Variants in GAMT observed in about 807,000 individuals in gnomAD.
GAMT encodes the protein guanidinoacetate N-methyltransferase, also known as epididymis secretory protein Li 20.
GAMT carries 26 observed loss-of-function variants against 26.9 expected under a neutral mutation model. That is an observed-to-expected ratio of 0.97 (90% CI 0.71 to 1.34). The LOEUF (loss-of-function observed/expected upper bound fraction) is 1.34. Ranked by LOEUF, GAMT falls within the 40% of genes most tolerant of loss-of-function variation. The pLI is 0.00. For missense variants in GAMT, 412 were observed against 345.0 expected, an observed-to-expected ratio of 1.19 and a Z score of -1.54; for synonymous variants, 169 against 149.6, an observed-to-expected ratio of 1.13 and a Z score of -0.95.
At chr19:1,398,694 TCGG>T in intron 5 of GAMT, 1 of 1,506,634 alleles carries the variant, frequency 6.6e-7, no homozygotes, top group Non-Finnish European at 8.9e-7. Context: ...TCTGCCCACC[TCGG>T]CCTTCCACAG....
intron 1 of GAMT, 96 bp downstream of exon 1, chr19:1,401,200 G>A (rs1468985226): frequency 3.6e-6 from 4 of 1,095,918 alleles, no homozygotes; most frequent in African/African-American, 1.6e-5. Context: ...GAGGCGCCCC[G>A]GCGGGAGGGT....
At chr19:1,400,540 C>T (rs1600159923) in intron 1 of GAMT, among the ~76,000 whole-genome samples, 1 of 152,172 alleles carries the variant, frequency 6.6e-6, no homozygotes, top group Non-Finnish European at 1.5e-5. Flanking sequence ...GAGCCCAGCC[C>T]ACGCTGTTTG....
chr19:1,399,094 G>T lies in GAMT; in HGVS notation c.459+34C>A, dbSNP rs752136977. The T allele has an allele frequency of 6.2e-7, 1 of 1,613,194 alleles. No homozygotes were observed. Among genetic ancestry groups the T allele is most frequent in the African/African-American group, 1.3e-5 (1 of 74,884 alleles). ...TGTGGGCAGAGGGGCTTCCCCGAGG[G>T]CCTCCCGCATCCCAGCAAGTCAGAG... On this transcript the variant is annotated intron_variant, in intron 4 of 5. Transcript: ENST00000252288. The surrounding 1 kb of genome is among the most constrained non-coding windows in gnomAD (Gnocchi z 6.2).
chr19:1,400,324 G>T (rs566892665), intron 1 of GAMT, among the ~76,000 whole-genome samples: 13 of 152,164 alleles, frequency 8.5e-5, no homozygotes, highest in Non-Finnish European at 1.2e-4. Context: ...GGGGTGCAGG[G>T]CTGAACTAGG....
intron 1 of GAMT, among the ~76,000 whole-genome samples, chr19:1,400,843 G>A (rs1457708775): frequency 1.3e-5 from 2 of 152,348 alleles, no homozygotes; most frequent in South Asian, 2.1e-4. Flanking sequence ...AGGCAGGCCA[G>A]GGCCACCCCG....
Position 1,399,660 on chromosome 19 carries a change from A to G in GAMT, c.328-73T>C. 20 of 1,545,544 alleles carry G rather than the reference A, an allele frequency of 1.3e-5. 1 individual carries two copies. The South Asian group carries it at 2.3e-4, about 18-fold the overall frequency. ...AGGATCTCCCCACCTGCAGAAAGGGAGCGGCCAGGGGGACTCCCGAGAGAG... is the reference window on the plus strand; with the variant it reads ...AGGATCTCCCCACCTGCAGAAAGGGGGCGGCCAGGGGGACTCCCGAGAGAG... On this transcript the variant is annotated intron_variant, in intron 2 of 5. Transcript: ENST00000252288. This position sits in a 1 kb window ranked among gnomAD's most constrained non-coding sequence, Gnocchi z 6.2.
In GAMT at chr19:1,401,488, G is replaced by T. The variant is rs765130527; in HGVS notation, c.-12C>A. The T allele has an allele frequency of 9.1e-6, 12 of 1,311,770 alleles. No individual in the cohort carries two copies. Among genetic ancestry groups the T allele is most frequent in the Non-Finnish European group, 1.2e-5 (12 of 1,030,852 alleles). The allele number at this position is 1,311,770 out of a possible 1,614,324, so 81.3% of individuals were successfully genotyped here. A position where few individuals can be genotyped will look rare whatever the true frequency, so the allele number is the denominator to read the frequency against. On this transcript the variant is annotated 5_prime_UTR_variant, in exon 1 of 6. Coordinates refer to ENST00000252288, the MANE Select transcript of GAMT (RefSeq NM_000156.6). Reference sequence around the variant, plus strand: ...CTGGGGGCGCTCATGCTGCAGGCTGGACGGCGACCCGACCTCGATCGCGCG... The same window carrying T: ...CTGGGGGCGCTCATGCTGCAGGCTGTACGGCGACCCGACCTCGATCGCGCG...
chr19:1,399,185 G>T lies in GAMT; in HGVS notation c.402C>A (p.Tyr134Ter), dbSNP rs556829801. The T allele has an allele frequency of 6.2e-7, 1 of 1,613,606 alleles. No homozygotes were observed. The highest frequency in any genetic ancestry group is 2.2e-5 in the East Asian group (1 of 44,890). ...LPDGHFDGIL[Y>*]DTYPLSEETW... is the part of the protein sequence containing the mutation. ...TCTCCTCCGAGAGTGGGTACGTGTC[G>T]TACAGGATCCCTGCACGGAGAACAG... The change falls in exon 4 of 6, where the codon TAC becomes TAA. Residue 134 changes from tyrosine (Y) to a stop codon, truncating the protein, a stop_gained. Transcript: ENST00000252288. LOFTEE classifies it high-confidence loss of function. The surrounding 1 kb of genome is among the most constrained non-coding windows in gnomAD (Gnocchi z 6.2).
Position 1,399,210 on chromosome 19 carries a change from G to A in GAMT, c.392-15C>T. 6.2e-7 allele frequency: 1 copy of A among 1,613,280 alleles called. No individual in the cohort carries two copies. Among genetic ancestry groups the A allele is most frequent in the Non-Finnish European group, 8.5e-7 (1 of 1,179,948 alleles). On this transcript the variant is annotated splice_polypyrimidine_tract_variant and intron_variant, in intron 3 of 5. Coordinates refer to ENST00000252288, the MANE Select transcript of GAMT (RefSeq NM_000156.6). The surrounding 1 kb of genome is among the most constrained non-coding windows in gnomAD (Gnocchi z 6.2). ...GTACAGGATCCCTGCACGGAGAACAGAAGCCCACGCGGTCAGGGCCGGGCT... is the reference window on the plus strand; with the variant it reads ...GTACAGGATCCCTGCACGGAGAACAAAAGCCCACGCGGTCAGGGCCGGGCT...
intron 5 of GAMT, chr19:1,398,420 T>G: frequency 3.4e-5 from 12 of 348,612 alleles, no homozygotes; most frequent in East Asian, 9.3e-5. Context: ...TTTTTTTAAA[T>G]TTTCTTTCTT....
chr19:1,399,435 G>A lies in GAMT; in HGVS notation c.391+89C>T. 1 of 1,275,542 alleles carries A rather than the reference G, an allele frequency of 7.8e-7. No individual in the cohort carries two copies. The highest frequency in any genetic ancestry group is 1.1e-6 in the Non-Finnish European group (1 of 900,542). 79.0% of individuals were successfully genotyped at this position (1,275,542 alleles called of 1,614,324 possible). The stretch of plus-strand genomic sequence containing the variant: ...CACCCACTTGGGCTCTGTCCCCCCA[G>A]TGCACATCAGAGGGACCCCCACAAG... On this transcript the variant is annotated intron_variant, in intron 3 of 5. Coordinates refer to ENST00000252288, the MANE Select transcript of GAMT (RefSeq NM_000156.6). The surrounding 1 kb of genome is among the most constrained non-coding windows in gnomAD (Gnocchi z 6.2).
In GAMT at chr19:1,399,858, TC is replaced by T; in HGVS notation, c.261del (p.Trp87Ter). ...KVQEAPIDEH[W>X]IIECNDGVFQ... ...AAGACGCCGTCATTGCACTCGATGA[TC>T]CAATGCTCATCAATGGGCGCCTCCT... On this transcript the variant is annotated frameshift_variant, in exon 2 of 6. Coordinates refer to ENST00000252288, the MANE Select transcript of GAMT (RefSeq NM_000156.6). LOFTEE classifies it high-confidence loss of function. The surrounding 1 kb of genome is among the most constrained non-coding windows in gnomAD (Gnocchi z 6.2). 2.5e-6 allele frequency: 4 copies of T among 1,602,374 alleles called. No homozygotes were observed. Among genetic ancestry groups the T allele is most frequent in the Non-Finnish European group, 3.4e-6 (4 of 1,175,282 alleles).
At position 1,399,195 on chromosome 19, in the gene GAMT, C is replaced by T. The variant is rs756178130; in HGVS notation, c.392G>A (p.Gly131Glu). ...GAGTGGGTACGTGTCGTACAGGATC[C>T]CTGCACGGAGAACAGAAGCCCACGC... ...APTLPDGHFD[G>E]ILYDTYPLSE... is the part of the protein sequence containing the mutation. Residue 131 changes from glycine (G) to glutamate (E), a missense_variant and splice_region_variant, in exon 4 of 6, where the codon GGG becomes GAG. Gly to Glu is a moderately conservative substitution (Grantham distance 98, BLOSUM62 -2). Coordinates refer to ENST00000252288, the MANE Select transcript of GAMT (RefSeq NM_000156.6). This position sits in a 1 kb window ranked among gnomAD's most constrained non-coding sequence, Gnocchi z 6.2. 4 of 1,613,570 alleles carry T rather than the reference C, an allele frequency of 2.5e-6. No homozygotes were observed. Among genetic ancestry groups the T allele is most frequent in the Non-Finnish European group, 2.5e-6 (3 of 1,180,020 alleles).
chr19:1,399,663 G>A lies in GAMT; in HGVS notation c.328-76C>T, dbSNP rs572702048. The A allele has an allele frequency of 4.9e-5, 75 of 1,535,606 alleles. No homozygotes were observed. The East Asian group carries it at 8.7e-4, about 18-fold the overall frequency. The stretch of plus-strand genomic sequence containing the variant: ...ATCTCCCCACCTGCAGAAAGGGAGC[G>A]GCCAGGGGGACTCCCGAGAGAGAAG... On this transcript the variant is annotated intron_variant, in intron 2 of 5. Coordinates refer to ENST00000252288, the MANE Select transcript of GAMT (RefSeq NM_000156.6). This position sits in a 1 kb window ranked among gnomAD's most constrained non-coding sequence, Gnocchi z 6.2.
Position 1,399,838 on chromosome 19 carries a change from G to A in GAMT, c.282C>T (p.Gly94=), listed in dbSNP as rs771191011. 1.4e-5 allele frequency: 23 copies of A among 1,592,120 alleles called. No individual in the cohort carries two copies. In the South Asian group the frequency reaches 1.7e-4, roughly 12 times the overall value. The change falls in exon 2 of 6, where the codon GGC becomes GGT. Residue 94 remains glycine (G), a synonymous_variant. Transcript: ENST00000252288. The surrounding 1 kb of genome is among the most constrained non-coding windows in gnomAD (Gnocchi z 6.2). ...DEHWIIECND[G]VFQRLRDWAP... ...CCCAGTCCCGGAGCCGCTGGAAGACGCCGTCATTGCACTCGATGATCCAAT... is the reference window on the plus strand; with the variant it reads ...CCCAGTCCCGGAGCCGCTGGAAGACACCGTCATTGCACTCGATGATCCAAT...
At chr19:1,397,550 C>T in intron 5 of GAMT, 51 bp from the exon 6 acceptor site, 3 of 1,593,884 alleles carry the variant, frequency 1.9e-6, no homozygotes, top group East Asian at 2.2e-5. Flanking sequence ...GGGTCACGTG[C>T]ACCCTGGCGC....
In GAMT at chr19:1,401,424, G is replaced by A. The variant is rs2144641340; in HGVS notation, c.53C>T (p.Pro18Leu). ...GGCCGCGGGCGCCGCCCCCCACGCG[G>A]GGCTGCAGTTCTCGCCGGGCGCGAA... ...PIFAPGENCS[P>L]AWGAAPAAYD... Residue 18 changes from proline to leucine, a missense_variant, in exon 1 of 6, where the codon CCC becomes CTC. Physicochemically the swap from Pro to Leu is moderately conservative, Grantham distance 98 (BLOSUM62 -3). Coordinates refer to ENST00000252288, the MANE Select transcript of GAMT (RefSeq NM_000156.6). 7.0e-7 allele frequency: 1 copy of A among 1,437,702 alleles called. No homozygotes were observed. Among genetic ancestry groups the A allele is most frequent in the South Asian group, 1.4e-5 (1 of 72,258 alleles). The allele number at this position is 1,437,702 out of a possible 1,614,324, so 89.1% of individuals were successfully genotyped here.
In GAMT at chr19:1,399,477, T is replaced by G. The variant is rs73515058; in HGVS notation, c.391+47A>C. On this transcript the variant is annotated intron_variant, in intron 3 of 5. Transcript: ENST00000252288. The surrounding 1 kb of genome is among the most constrained non-coding windows in gnomAD (Gnocchi z 6.2). Reference sequence around the variant, plus strand: ...CCCCACAAGCAAAGGAGGGGCTGCATTGGAGCTGGGGAGGCCCACCCTGTG... The same window carrying G: ...CCCCACAAGCAAAGGAGGGGCTGCAGTGGAGCTGGGGAGGCCCACCCTGTG... 50 of 1,541,988 alleles carry G rather than the reference T, an allele frequency of 3.2e-5. No homozygotes were observed. The highest frequency in any genetic ancestry group is 4.4e-5 in the Non-Finnish European group (49 of 1,123,026).
chr19:1,397,537 T>A, intron 5 of GAMT, 38 bp from the exon 6 acceptor site: 1 of 1,598,236 alleles, frequency 6.3e-7, no homozygotes, highest in Non-Finnish European at 8.5e-7. Flanking sequence ...CTGAGGGCCA[T>A]GGGGGTCACG....
Sources: gnomAD v4.1 joint callset for allele counts (sites outside exome capture counted in the v4.1 genomes callset) on GRCh38, gnomAD v4.1.1 for gene constraint, Gnocchi (gnomAD v3.1) non-coding constraint, MANE v1.5 for transcripts, NCBI Gene and HGNC (gene_info 2026-07-23, HGNC 2026-07-21) for gene names.